The following ANKRD31 variants were observed in gnomAD, a reference collection of about 807,000 sequenced individuals.
The protein encoded by ANKRD31 is ankyrin repeat domain-containing protein 31.
ANKRD31 carries 147 observed loss-of-function variants against 186.0 expected under a neutral mutation model. The observed-to-expected ratio is 0.79, with a 90% CI of 0.69 to 0.91. The LOEUF (loss-of-function observed/expected upper bound fraction) is 0.91, where lower values mean the gene tolerates loss of function less well. Ranked by LOEUF, ANKRD31 falls within the 40% of genes least tolerant of loss-of-function variation. The pLI, the probability that ANKRD31 is intolerant of heterozygous loss-of-function variation, is 0.00. For missense variants in ANKRD31, 1,986 were observed against 2,148.8 expected (o/e 0.92, Z 1.50); for synonymous variants, 673 against 736.4 (o/e 0.91, Z 1.39).
chr5:75,078,614 T>C (rs1165612548), intron 25 of ANKRD31, among the ~76,000 whole-genome samples: 2 of 152,204 alleles, frequency 1.3e-5, no homozygotes, highest in Non-Finnish European at 2.9e-5. Flanking sequence ...TTGAGTATCT[T>C]GGTACTATGG....
intron 24 of ANKRD31, among the ~76,000 whole-genome samples, chr5:75,081,675 G>T (rs542647775): frequency 6.6e-6 from 1 of 151,606 alleles, no homozygotes; most frequent in East Asian, 1.9e-4. Flanking sequence ...GTGGGTGGTG[G>T]GGAGGAGGCA....
rs1756251228 is a variant in ANKRD31 at position 75,206,459 on chromosome 5, C to T, written c.355G>A (p.Gly119Arg). Residue 119 changes from glycine to arginine, a missense_variant, in exon 5 of 26, where the codon GGG becomes AGG. By Grantham distance (125) the Gly-to-Arg change is moderately radical (BLOSUM62 -2). Coordinates refer to ENST00000506364, the MANE Select transcript of ANKRD31 (RefSeq NM_001372053.1). ...QTRKNCSMFIGSFRQSGLSLN... is the reference protein window; with the variant it reads ...QTRKNCSMFIRSFRQSGLSLN... ...GAAAGTCCAGACTGGCGAAACGACCCAATGAACATTGAACAGTTTTTTCTA... is the reference window on the plus strand; with the variant it reads ...GAAAGTCCAGACTGGCGAAACGACCTAATGAACATTGAACAGTTTTTTCTA... The T allele has an allele frequency of 6.8e-7, 1 of 1,468,840 alleles. No homozygotes were observed. The highest frequency in any genetic ancestry group is 1.4e-5 in the African/African-American group (1 of 70,494). The allele number at this position is 1,468,840 out of a possible 1,614,324, so 91.0% of individuals were successfully genotyped here.
At chr5:75,222,125 A>C (rs1458840880) in intron 3 of ANKRD31, 124 bp downstream of exon 3, 2 of 633,700 alleles carry the variant, frequency 3.2e-6, no homozygotes, top group East Asian at 6.2e-5. Flanking sequence ...AGAGGTAAAA[A>C]TTAATAAGAA....
chr5:75,148,447 G>A (rs560033959), intron 13 of ANKRD31, 129 bp downstream of exon 13: 1 of 577,892 alleles, frequency 1.7e-6, no homozygotes, highest in Non-Finnish European at 2.8e-6. Flanking sequence ...AATTATTCTA[G>A]TGTCTTAAAA....
intron 16 of ANKRD31, 117 bp downstream of exon 16, chr5:75,138,729 G>A (rs77973805): frequency 0.019 from 20,080 of 1,051,528 alleles, 654 homozygotes; most frequent in African/African-American, 0.12. Flanking sequence ...AAAAAAGATT[G>A]TTCAAAGTTA....
chr5:75,073,311 AAG>A (rs1352797522), intron 25 of ANKRD31, among the ~76,000 whole-genome samples: 1 of 152,048 alleles, frequency 6.6e-6, no homozygotes, highest in African/African-American at 2.4e-5. Context: ...AAAAAAAAAA[AAG>A]TCACAGGCCT....
Position 75,107,501 on chromosome 5 carries a change from T to C in ANKRD31, c.4340+20A>G, listed in dbSNP as rs1295201692. 10 of 1,451,228 alleles carry C rather than the reference T, an allele frequency of 6.9e-6. 1 individual carries two copies. Among genetic ancestry groups the C allele is most frequent in the Non-Finnish European group, 9.2e-6 (10 of 1,087,608 alleles). The allele number at this position is 1,451,228 out of a possible 1,614,324, so 89.9% of individuals were successfully genotyped here. ...TTCTAGAAACTCAAAAGCACTCTTT[T>C]TTTTTCTTTTTCTACTCACCTGTAT... On this transcript the variant is annotated intron_variant, in intron 21 of 25. Coordinates refer to ENST00000506364, the MANE Select transcript of ANKRD31 (RefSeq NM_001372053.1).
At chr5:75,208,314 C>T (rs1269079669) in intron 4 of ANKRD31, among the ~76,000 whole-genome samples, 1 of 151,630 alleles carries the variant, frequency 6.6e-6, no homozygotes, top group Admixed American at 6.6e-5. Flanking sequence ...AAAATAATAC[C>T]CCAAAATACG....
At chr5:75,235,804 T>A (rs766292419) in intron 1 of ANKRD31, among the ~76,000 whole-genome samples, 5 of 152,204 alleles carry the variant, frequency 3.3e-5, no homozygotes, top group Non-Finnish European at 5.9e-5. Context: ...TTCTTAACTC[T>A]GTGCTAAAGG....
intron 10 of ANKRD31, among the ~76,000 whole-genome samples, chr5:75,170,184 G>A (rs1374437471): frequency 1.3e-5 from 2 of 151,972 alleles, no homozygotes; most frequent in Admixed American, 6.6e-5. Flanking sequence ...ACGGATATGG[G>A]GGAATAAATG....
At chr5:75,203,333 T>C (rs1755933527) in intron 5 of ANKRD31, among the ~76,000 whole-genome samples, 1 of 152,036 alleles carries the variant, frequency 6.6e-6, no homozygotes, top group Non-Finnish European at 1.5e-5. Context: ...AAAAATACAT[T>C]TTTGTGTAAG....
In ANKRD31 at chr5:75,091,194, T is replaced by G. The variant is rs550313105; in HGVS notation, c.5472+67A>C. On this transcript the variant is annotated intron_variant, in intron 23 of 25. Transcript: ENST00000506364. ...CTTTCAGATTTCCTTAAAAAATACTTTCATCACAAAAATATGTACTTTTCC... is the reference window on the plus strand; with the variant it reads ...CTTTCAGATTTCCTTAAAAAATACTGTCATCACAAAAATATGTACTTTTCC... 1.8e-5 allele frequency: 27 copies of G among 1,464,626 alleles called. No individual in the cohort carries two copies. In the African/African-American group the frequency reaches 3.4e-4, roughly 19 times the overall value. The allele number at this position is 1,464,626 out of a possible 1,614,324, so 90.7% of individuals were successfully genotyped here.
chr5:75,131,533 C>A (rs370663571), intron 17 of ANKRD31, among the ~76,000 whole-genome samples: 1 of 152,146 alleles, frequency 6.6e-6, no homozygotes, highest in African/African-American at 2.4e-5. Flanking sequence ...TGGTGGAGCC[C>A]ACCACAGCTC....
chr5:75,071,407 A>G (rs1744213945), intron 25 of ANKRD31, among the ~76,000 whole-genome samples: 1 of 151,312 alleles, frequency 6.6e-6, no homozygotes. Context: ...ACCACTTTCC[A>G]CAATGTTATA....
chr5:75,104,303 T>C lies in ANKRD31; in HGVS notation c.5256A>G (p.Lys1752=). ...ATATCAAATCTTTTATCTGAATACA[T>C]TTCTTTTTAGGAGCTGTACTGTAGT... The part of the protein sequence containing the change: ...ALNYSTAPKK[K]CIQIKDLILL... Residue 1752 remains lysine (K), a synonymous_variant, in exon 22 of 26, where the codon AAA becomes AAG. Transcript: ENST00000506364. 6.5e-7 allele frequency: 1 copy of C among 1,536,402 alleles called. No homozygotes were observed. The highest frequency in any genetic ancestry group is 2.4e-5 in the East Asian group (1 of 40,884).
At chr5:75,199,542 C>T in intron 6 of ANKRD31, 89 bp downstream of exon 6, 1 of 1,053,058 alleles carries the variant, frequency 9.5e-7, no homozygotes, top group Non-Finnish European at 1.3e-6. Context: ...GGGTGAGGGT[C>T]TAAATGAGCT....
chr5:75,079,975 G>C (rs1426451415), intron 25 of ANKRD31, among the ~76,000 whole-genome samples: 2 of 152,086 alleles, frequency 1.3e-5, no homozygotes, highest in Non-Finnish European at 2.9e-5. Context: ...GCATATGCCT[G>C]CACTCCCAGC....
At chr5:75,087,511 AG>A (rs1444637880) in intron 23 of ANKRD31, among the ~76,000 whole-genome samples, 2 of 151,882 alleles carry the variant, frequency 1.3e-5, no homozygotes, top group East Asian at 1.9e-4. Context: ...TGGCTCAAAA[AG>A]AAAAAAAAAA....
In ANKRD31 at chr5:75,144,023, G is replaced by T; in HGVS notation, c.3573C>A (p.Phe1191Leu). The T allele has an allele frequency of 2.5e-6, 1 of 397,318 alleles. No homozygotes were observed. Among genetic ancestry groups the T allele is most frequent in the Non-Finnish European group, 4.4e-6 (1 of 225,244 alleles). 24.6% of individuals were successfully genotyped at this position (397,318 alleles called of 1,614,324 possible). ...TVQNFRKRQS[F>L]LKTTCNLGMK... ...AACCTAGGTTGCAGGTAGTTTTTAAGAAACTTTGTCTTTTTCTGAAATTCT... is the reference window on the plus strand; with the variant it reads ...AACCTAGGTTGCAGGTAGTTTTTAATAAACTTTGTCTTTTTCTGAAATTCT... The change falls in exon 15 of 26, where the codon TTC becomes TTA. Residue 1191 changes from phenylalanine to leucine, a missense_variant. By Grantham distance (22) the Phe-to-Leu change is conservative. Coordinates refer to ENST00000506364, the MANE Select transcript of ANKRD31 (RefSeq NM_001372053.1).
Sources: allele counts gnomAD v4.1 joint callset (sites outside exome capture counted in the v4.1 genomes callset), GRCh38; gene constraint gnomAD v4.1.1; transcripts MANE v1.5; gene names NCBI Gene and HGNC (gene_info 2026-07-23, HGNC 2026-07-21).